Variants in ATP10B observed in about 807,000 individuals in gnomAD.
The protein encoded by ATP10B is phospholipid-transporting ATPase VB.
ATP10B carries 122 observed loss-of-function variants against 141.2 expected under a neutral mutation model. The ratio of observed to expected loss-of-function variants is 0.86; its 90% CI spans 0.75 to 1.00. The LOEUF is 1.00. ATP10B is among the 50% of genes least tolerant of loss of function. The probability of loss-of-function intolerance (pLI) is 0.00; values close to 1 mark genes in which losing one functional copy is unlikely to be tolerated. For synonymous variants in ATP10B, 685 were observed against 692.0 expected (o/e 0.99, Z 0.16); for missense variants, 1,876 against 1,825.3 (o/e 1.03, Z -0.51).
intron 19 of ATP10B, 42 bp downstream of exon 19, chr5:160,606,723 A>T: frequency 6.3e-7 from 1 of 1,580,760 alleles, no homozygotes; most frequent in Non-Finnish European, 8.6e-7. Flanking sequence ...TCATCAGATC[A>T]TCCCTGCCAA....
At chr5:160,675,530 AAG>A (rs1372145563) in intron 6 of ATP10B, among the ~76,000 whole-genome samples, 1 of 152,164 alleles carries the variant, frequency 6.6e-6, no homozygotes. Context: ...GGATTTTATT[AAG>A]AGAGTTTCAG....
At chr5:160,900,591 C>T in the ATP10B span, among the ~76,000 whole-genome samples, 1 of 152,070 alleles carries the variant, frequency 6.6e-6, no homozygotes, top group East Asian at 1.9e-4. Flanking sequence ...TGTGCTACTG[C>T]CATTAGGTGA....
At chr5:160,643,372 G>C (rs1760018863) in intron 9 of ATP10B, among the ~76,000 whole-genome samples, 1 of 152,170 alleles carries the variant, frequency 6.6e-6, no homozygotes, top group African/African-American at 2.4e-5. Context: ...TTCCAGCAAA[G>C]GTAGATGCTC....
At chr5:160,874,944 AG>A in the ATP10B span, among the ~76,000 whole-genome samples, 1 of 139,946 alleles carries the variant, frequency 7.1e-6, no homozygotes, top group Non-Finnish European at 1.5e-5. Flanking sequence ...AATGGAACCA[AG>A]TTGGAAAACA....
chr5:160,798,155 G>A (rs1772097359), intron 1 of ATP10B, among the ~76,000 whole-genome samples: 1 of 152,038 alleles, frequency 6.6e-6, no homozygotes, highest in South Asian at 2.1e-4. Flanking sequence ...AGAGGACTTG[G>A]AAGTTCAAAG....
chr5:160,779,955 C>T (rs973259428), intron 2 of ATP10B, among the ~76,000 whole-genome samples: 1 of 152,162 alleles, frequency 6.6e-6, no homozygotes, highest in Non-Finnish European at 1.5e-5. Flanking sequence ...CAGATGCAGT[C>T]TCAGAATACT....
intron 7 of ATP10B, among the ~76,000 whole-genome samples, chr5:160,667,693 C>A (rs1326327300): frequency 6.6e-6 from 1 of 152,076 alleles, no homozygotes; most frequent in Non-Finnish European, 1.5e-5. Context: ...TCTATAGCAC[C>A]GGAGTGTGAA....
chr5:160,654,793 C>T (rs577900782), intron 7 of ATP10B, among the ~76,000 whole-genome samples: 1 of 152,244 alleles, frequency 6.6e-6, no homozygotes, highest in East Asian at 1.9e-4. Context: ...TACTAAGAAT[C>T]AACTAAGTAT....
intron 12 of ATP10B, chr5:160,632,966 A>G (rs181497193): frequency 1.3e-5 from 2 of 152,290 alleles, no homozygotes; most frequent in African/African-American, 4.8e-5. Flanking sequence ...CATATGAAAA[A>G]AAGCTCATCA....
chr5:160,903,042 A>T, the ATP10B span, among the ~76,000 whole-genome samples: 1 of 152,176 alleles, frequency 6.6e-6, no homozygotes, highest in Non-Finnish European at 1.5e-5. Context: ...TTAAAAACTA[A>T]TGATAATATT....
At chr5:160,753,905 C>T (rs1281862472) in intron 2 of ATP10B, among the ~76,000 whole-genome samples, 1 of 152,148 alleles carries the variant, frequency 6.6e-6, no homozygotes, top group African/African-American at 2.4e-5. Context: ...GCTTCTGATC[C>T]CATGATTTGA....
At chr5:160,727,727 A>G (rs556915444) in intron 2 of ATP10B, among the ~76,000 whole-genome samples, 5 of 152,262 alleles carry the variant, frequency 3.3e-5, no homozygotes, top group South Asian at 4.2e-4. Flanking sequence ...TCAGGATCCC[A>G]AAGTCCTTAT....
chr5:160,688,706 G>A (rs1763909127), intron 4 of ATP10B, 54 bp downstream of exon 4: 1 of 938,480 alleles, frequency 1.1e-6, no homozygotes. Flanking sequence ...TATTCTTTAG[G>A]TTTTCTTTGG....
At chr5:160,681,133 A>G (rs987155801) in intron 6 of ATP10B, among the ~76,000 whole-genome samples, 2 of 152,166 alleles carry the variant, frequency 1.3e-5, no homozygotes, top group African/African-American at 4.8e-5. Flanking sequence ...CGTTGTTTAA[A>G]CCTGTTAAAA....
chr5:160,826,282 C>T (rs1366451825), intron 1 of ATP10B, among the ~76,000 whole-genome samples: 1 of 152,134 alleles, frequency 6.6e-6, no homozygotes, highest in African/African-American at 2.4e-5. Context: ...CAGCAGTGTA[C>T]AAGCATTCCC....
chr5:160,744,497 G>C (rs1767676531), intron 2 of ATP10B, among the ~76,000 whole-genome samples: 2 of 152,160 alleles, frequency 1.3e-5, no homozygotes, highest in Admixed American at 1.3e-4. Context: ...ATTGCAGGCA[G>C]CGGGCCCCAG....
At chr5:160,921,608 A>G in the ATP10B span, among the ~76,000 whole-genome samples, 1 of 152,038 alleles carries the variant, frequency 6.6e-6, no homozygotes, top group African/African-American at 2.4e-5. Context: ...TTTTATAGTC[A>G]CTCTCTGTTT....
the ATP10B span, among the ~76,000 whole-genome samples, chr5:160,873,688 G>A: frequency 2.0e-5 from 3 of 152,204 alleles, no homozygotes; most frequent in East Asian, 1.9e-4. Flanking sequence ...CACTGTGCGC[G>A]AGCCAAAGCA....
intron 24 of ATP10B, among the ~76,000 whole-genome samples, chr5:160,586,131 TC>T (rs962562251): frequency 2.0e-5 from 3 of 152,130 alleles, no homozygotes; most frequent in African/African-American, 7.2e-5. Flanking sequence ...CTCCGCTTGT[TC>T]CCCACCTCCT....
Sources: allele counts gnomAD v4.1 joint callset (sites outside exome capture counted in the v4.1 genomes callset), GRCh38; gene constraint gnomAD v4.1.1; transcripts MANE v1.5; gene names NCBI Gene and HGNC (gene_info 2026-07-23, HGNC 2026-07-21).